The following DMXL2 variants were observed in gnomAD, a reference collection of about 807,000 sequenced individuals.
The protein encoded by DMXL2 is dmX-like protein 2.
A neutral mutation model predicts 331.1 loss-of-function variants in DMXL2; 103 were observed. The ratio of observed to expected loss-of-function variants is 0.31; its 90% CI spans 0.27 to 0.37. The LOEUF is 0.37. Ranked by LOEUF, DMXL2 falls within the 10% of genes least tolerant of loss-of-function variation. DMXL2 has a pLI of 1.00. For missense variants in DMXL2, 3,171 were observed against 3,642.9 expected (o/e 0.87, Z 3.33); for synonymous variants, 1,281 against 1,252.1 (o/e 1.02, Z -0.49).
At chr15:51,565,327 G>A (rs957860838) in intron 3 of DMXL2, among the ~76,000 whole-genome samples, 161 bp from the exon 4 acceptor site, 1 of 152,086 alleles carries the variant, frequency 6.6e-6, no homozygotes, top group African/African-American at 2.4e-5. Context: ...TGTTTTTAAC[G>A]TAACTTTCAT....
chr15:51,502,382 G>C (rs113242363), intron 17 of DMXL2, among the ~76,000 whole-genome samples: 1,796 of 150,760 alleles, frequency 0.012, 45 homozygotes, highest in African/African-American at 0.042. Context: ...GAATGCAGTA[G>C]TGTGATGTCA....
At chr15:51,588,122 C>G (rs1468917403) in intron 1 of DMXL2, among the ~76,000 whole-genome samples, 1 of 148,528 alleles carries the variant, frequency 6.7e-6, no homozygotes, top group Non-Finnish European at 1.5e-5. Flanking sequence ...TGTAGGTCGC[C>G]TGTTCACTCT....
intron 16 of DMXL2, among the ~76,000 whole-genome samples, chr15:51,505,621 C>T (rs548901970): frequency 9.8e-5 from 15 of 152,316 alleles, no homozygotes; most frequent in African/African-American, 3.4e-4. Flanking sequence ...TTTTAAATTC[C>T]TGGTGCCTCA....
At chr15:51,549,132 C>T (rs554858574) in intron 6 of DMXL2, among the ~76,000 whole-genome samples, 1 of 152,134 alleles carries the variant, frequency 6.6e-6, no homozygotes, top group Non-Finnish European at 1.5e-5. Context: ...CCTCCCTAGT[C>T]CCCAAAGTCC....
At position 51,622,755 on chromosome 15, in the gene DMXL2, C is replaced by A. The variant is rs1401203933; in HGVS notation, c.-210G>T. ...CGACCGCCGCCGCCGCCCGGGTCGC[C>A]GCTCAGCTGCGGAAATGCCCGGATG... On this transcript the variant is annotated 5_prime_UTR_variant, in exon 1 of 44. Coordinates refer to ENST00000560891, the MANE Select transcript of DMXL2 (RefSeq NM_001378457.1). 12 of 885,286 alleles carry A rather than the reference C, an allele frequency of 1.4e-5. No homozygotes were observed. The highest frequency in any genetic ancestry group is 1.2e-4 in the East Asian group (4 of 33,098). The allele number at this position is 885,286 out of a possible 1,614,324, so 54.8% of individuals were successfully genotyped here. A position where few individuals can be genotyped will look rare whatever the true frequency, so the allele number is the denominator to read the frequency against.
At chr15:51,457,190 T>C (rs2039704898) in intron 37 of DMXL2, 138 bp downstream of exon 37, 6 of 938,042 alleles carry the variant, frequency 6.4e-6, no homozygotes, top group Non-Finnish European at 9.2e-6. Context: ...AAAGCCACAA[T>C]AAATGTCAGC....
intron 42 of DMXL2, among the ~76,000 whole-genome samples, chr15:51,451,020 A>C (rs2039086405): frequency 6.6e-6 from 1 of 152,252 alleles, no homozygotes; most frequent in African/African-American, 2.4e-5. Flanking sequence ...GGGTGGTACT[A>C]TGTGGAAGAC....
chr15:51,519,642 T>G (rs868758423), intron 13 of DMXL2, among the ~76,000 whole-genome samples: 49 of 144,528 alleles, frequency 3.4e-4, no homozygotes, highest in Non-Finnish European at 4.0e-4. Context: ...TCTTGTTTTT[T>G]TTTTTTTTTT....
In DMXL2 at chr15:51,458,510, T is replaced by C. The variant is rs1372123433; in HGVS notation, c.8194A>G (p.Lys2732Glu). 2 of 1,613,420 alleles carry C rather than the reference T, an allele frequency of 1.2e-6. No individual in the cohort carries two copies. Among genetic ancestry groups the C allele is most frequent in the East Asian group, 2.2e-5 (1 of 44,850 alleles). Residue 2732 changes from lysine (K) to glutamate (E), a missense_variant, in exon 36 of 44, where the codon AAA becomes GAA. Lys to Glu is a moderately conservative substitution (Grantham distance 56). This residue lies in a region of DMXL2 where 766 missense variants were observed against 940.5 expected (regional missense o/e 0.81). Transcript: ENST00000560891. The stretch of plus-strand genomic sequence containing the variant: ...AAAAGTGACTATGAGACAAACCTTT[T>C]GGATTCTCTGTCATATTCTTCTCCG... ...WIGEEYDRES[K>E]SSDDVDYRGS...
At chr15:51,493,515 T>A (rs745639239) in intron 19 of DMXL2, among the ~76,000 whole-genome samples, 10 of 152,276 alleles carry the variant, frequency 6.6e-5, no homozygotes, top group Middle Eastern at 3.4e-3. Context: ...TACCTACCAA[T>A]GGCAGGCTAT....
chr15:51,622,631 T>C lies in DMXL2; in HGVS notation c.-86A>G. ...CCTCGGGCTGCGAGAGCCGTTTCCC[T>C]CTGTGCCTCCCTCGGAAACCCGCCC... On this transcript the variant is annotated 5_prime_UTR_variant, in exon 1 of 44. Transcript: ENST00000560891. 4.8e-6 allele frequency: 7 copies of C among 1,467,964 alleles called. No individual in the cohort carries two copies. The highest frequency in any genetic ancestry group is 6.3e-6 in the Non-Finnish European group (7 of 1,104,626). The allele number at this position is 1,467,964 out of a possible 1,614,324, so 90.9% of individuals were successfully genotyped here. A position where few individuals can be genotyped will look rare whatever the true frequency, so the allele number is the denominator to read the frequency against.
chr15:51,610,175 G>A (rs891720153), intron 1 of DMXL2, among the ~76,000 whole-genome samples: 1 of 152,070 alleles, frequency 6.6e-6, no homozygotes, highest in Non-Finnish European at 1.5e-5. Flanking sequence ...CACTGCAGAA[G>A]CACTGTTAGA....
intron 2 of DMXL2, among the ~76,000 whole-genome samples, chr15:51,570,113 G>A (rs565962588): frequency 3.6e-4 from 55 of 151,992 alleles, no homozygotes; most frequent in Admixed American, 3.9e-4. Flanking sequence ...CTGATGGAGC[G>A]GACAAACACA....
At chr15:51,604,048 A>C (rs1297682003) in intron 1 of DMXL2, among the ~76,000 whole-genome samples, 1 of 152,136 alleles carries the variant, frequency 6.6e-6, no homozygotes, top group Non-Finnish European at 1.5e-5. Flanking sequence ...AATAAAAACA[A>C]TAATATACCA....
chr15:51,552,463 T>C (rs1315332301), intron 6 of DMXL2, among the ~76,000 whole-genome samples: 1 of 152,320 alleles, frequency 6.6e-6, no homozygotes, highest in African/African-American at 2.4e-5. Flanking sequence ...ACTTTATGAT[T>C]CCACAAAAGT....
intron 42 of DMXL2, chr15:51,450,566 G>C: frequency 1.9e-6 from 1 of 528,510 alleles, no homozygotes. Flanking sequence ...AATATGAAAT[G>C]AACACAGAGA....
intron 29 of DMXL2, among the ~76,000 whole-genome samples, chr15:51,469,150 G>A (rs1382844521): frequency 2.6e-5 from 4 of 151,662 alleles, no homozygotes; most frequent in Admixed American, 2.0e-4. Context: ...AATTGTGGGT[G>A]TGCTTCTGTG....
chr15:51,576,283 G>C, intron 1 of DMXL2, 102 bp from the exon 2 acceptor site: 2 of 867,400 alleles, frequency 2.3e-6, no homozygotes, highest in South Asian at 5.3e-5. Context: ...CCATTATAAA[G>C]TATACCTTGG....
chr15:51,588,050 T>C (rs955596128), intron 1 of DMXL2, among the ~76,000 whole-genome samples: 3 of 152,200 alleles, frequency 2.0e-5, no homozygotes, highest in African/African-American at 4.8e-5. Flanking sequence ...TTTGAGTTAA[T>C]TGTAGATTCT....
Sources: gnomAD v4.1 joint callset for allele counts (sites outside exome capture counted in the v4.1 genomes callset) on GRCh38, gnomAD v4.1.1 for gene constraint, gnomAD v4.1.1 regional missense constraint, MANE v1.5 for transcripts, NCBI Gene and HGNC (gene_info 2026-07-23, HGNC 2026-07-21) for gene names.